PIERCE1: variants seen among roughly 807,000 people sequenced by gnomAD.
PIERCE1 encodes piercer of microtubule wall 1 protein.
chr9:135,499,184 C>T, the PIERCE1 span, among the ~76,000 whole-genome samples: 1 of 152,240 alleles, frequency 6.6e-6, no homozygotes. Flanking sequence ...CAAGTTGTTC[C>T]TTCTACATCC....
At chr9:135,499,581 C>G in the PIERCE1 span, 10 of 1,282,224 alleles carry the variant, frequency 7.8e-6, no homozygotes, top group Middle Eastern at 1.7e-3. Flanking sequence ...GATGACAGCG[C>G]GGGCCCCGGA....
the PIERCE1 span, among the ~76,000 whole-genome samples, chr9:135,496,349 G>A: frequency 4.6e-5 from 7 of 152,178 alleles, no homozygotes; most frequent in Non-Finnish European, 8.8e-5. Context: ...TCGTGTGGGC[G>A]GGCACCCAGT....
the PIERCE1 span, among the ~76,000 whole-genome samples, chr9:135,497,981 C>T: frequency 2.6e-5 from 4 of 152,162 alleles, no homozygotes; most frequent in Non-Finnish European, 4.4e-5. Flanking sequence ...CAGGAGACAC[C>T]GCACTAGTCC....
the PIERCE1 span, among the ~76,000 whole-genome samples, chr9:135,495,830 G>A: frequency 6.6e-6 from 1 of 152,096 alleles, no homozygotes; most frequent in Non-Finnish European, 1.5e-5. Flanking sequence ...ATAGAAGAAT[G>A]AGCTGTGGGG....
At chr9:135,498,967 G>A in the PIERCE1 span, 1 of 364,890 alleles carries the variant, frequency 2.7e-6, no homozygotes. This position sits in a 1 kb window ranked among gnomAD's most constrained non-coding sequence, Gnocchi z 4.1. Context: ...CTCGGCACAT[G>A]CTGCAATTTC....
At chr9:135,496,834 G>A in the PIERCE1 span, among the ~76,000 whole-genome samples, 2 of 127,906 alleles carry the variant, frequency 1.6e-5, no homozygotes, top group Non-Finnish European at 3.1e-5. Context: ...TTTTGCTCTA[G>A]TCACCCACGC....
chr9:135,498,174 G>A, the PIERCE1 span, among the ~76,000 whole-genome samples: 1 of 152,064 alleles, frequency 6.6e-6, no homozygotes, highest in East Asian at 1.9e-4. This position sits in a 1 kb window ranked among gnomAD's most constrained non-coding sequence, Gnocchi z 4.1. Context: ...GCCTCTTCAG[G>A]TTACACGTTA....
the PIERCE1 span, among the ~76,000 whole-genome samples, chr9:135,498,289 AC>A: frequency 1.3e-5 from 2 of 152,074 alleles, no homozygotes; most frequent in African/African-American, 4.8e-5. The surrounding 1 kb of genome is among the most constrained non-coding windows in gnomAD (Gnocchi z 4.1). Context: ...TGTGTGTGAG[AC>A]TGCTGTGCGT....
At chr9:135,499,718 C>A in the PIERCE1 span, 1 of 1,608,052 alleles carries the variant, frequency 6.2e-7, no homozygotes, top group East Asian at 2.2e-5. Flanking sequence ...CCTGTAGCCC[C>A]GGAACCACCC....
the PIERCE1 span, chr9:135,499,769 T>C: frequency 2.5e-6 from 4 of 1,606,656 alleles, no homozygotes; most frequent in Admixed American, 1.7e-5. Flanking sequence ...GCTCACGCGG[T>C]AGTAGTCGCT....
chr9:135,498,795 T>A, the PIERCE1 span: 1 of 815,032 alleles, frequency 1.2e-6, no homozygotes. The surrounding 1 kb of genome is among the most constrained non-coding windows in gnomAD (Gnocchi z 4.1). Flanking sequence ...GCTGGTGATG[T>A]GGCCTCGAAG....
the PIERCE1 span, chr9:135,499,322 T>A: frequency 2.0e-5 from 9 of 441,080 alleles, no homozygotes; most frequent in Non-Finnish European, 4.0e-5. Context: ...TCTTACTACT[T>A]CTTAGCCTGC....
the PIERCE1 span, among the ~76,000 whole-genome samples, chr9:135,496,972 T>A: frequency 6.6e-6 from 1 of 152,152 alleles, no homozygotes; most frequent in Non-Finnish European, 1.5e-5. Flanking sequence ...ACTTTTTGTA[T>A]TTTTAGTAGA....
At chr9:135,498,493 CATT>C in the PIERCE1 span, 3 of 1,057,222 alleles carry the variant, frequency 2.8e-6, no homozygotes, top group Non-Finnish European at 4.3e-6. The surrounding 1 kb of genome is among the most constrained non-coding windows in gnomAD (Gnocchi z 4.1). Flanking sequence ...CTCCCCGTCT[CATT>C]GTTGACCTGT....
chr9:135,498,840 T>C, the PIERCE1 span: 1 of 628,430 alleles, frequency 1.6e-6, no homozygotes, highest in Non-Finnish European at 2.9e-6. This position sits in a 1 kb window ranked among gnomAD's most constrained non-coding sequence, Gnocchi z 4.1. Flanking sequence ...ATGACCGTTC[T>C]GAATGGCCCG....
the PIERCE1 span, chr9:135,499,764 C>A: frequency 3.7e-6 from 6 of 1,607,356 alleles, no homozygotes; most frequent in Non-Finnish European, 5.1e-6. Flanking sequence ...TCCGCGCTCA[C>A]GCGGTAGTAG....
At chr9:135,495,390 T>C in the PIERCE1 span, 2 of 1,563,204 alleles carry the variant, frequency 1.3e-6, no homozygotes, top group Middle Eastern at 1.7e-4. Flanking sequence ...CAGGAGGCCC[T>C]GGGGTCAGAG....
At chr9:135,496,433 G>A in the PIERCE1 span, among the ~76,000 whole-genome samples, 22 of 152,316 alleles carry the variant, frequency 1.4e-4, no homozygotes, top group East Asian at 2.5e-3. Flanking sequence ...CTGGACCTCC[G>A]CCAAATATTT....
the PIERCE1 span, among the ~76,000 whole-genome samples, chr9:135,497,060 G>C: frequency 6.6e-6 from 1 of 152,212 alleles, no homozygotes. Flanking sequence ...GCCTCCCAAA[G>C]TGCTGGGATT....
Sources: allele counts gnomAD v4.1 joint callset (sites outside exome capture counted in the v4.1 genomes callset), GRCh38; gene constraint gnomAD v4.1.1; non-coding constraint Gnocchi (gnomAD v3.1); transcripts MANE v1.5; gene names NCBI Gene and HGNC (gene_info 2026-07-23, HGNC 2026-07-21).